SYCE1L: variants seen among roughly 807,000 people sequenced by gnomAD.
SYCE1L encodes the protein synaptonemal complex central element protein 1-like.
Under a neutral mutation model 39.6 loss-of-function variants are expected in SYCE1L, and 51 were observed. That is an observed-to-expected ratio of 1.29 (90% CI 1.03 to 1.63). The LOEUF (loss-of-function observed/expected upper bound fraction) is 1.63, where lower values mean the gene tolerates loss of function less well. Among genes scored for constraint, SYCE1L ranks in the 40% most tolerant of loss-of-function variants. The pLI is 0.00. For missense variants in SYCE1L, 426 were observed against 304.9 expected, an observed-to-expected ratio of 1.40 and a Z score of -2.96; for synonymous variants, 147 against 122.4, an observed-to-expected ratio of 1.20 and a Z score of -1.33.
chr16:77,200,291 T>TATATATATATATATATATATACATAC lies in SYCE1L; in HGVS notation c.61+780_61+781insTATATATATATATATATATACATACA. 3.6e-5 allele frequency: 4 copies of TATATATATATATATATATATACATAC among 111,430 alleles called. No homozygotes were observed. The East Asian group carries it at 6.5e-4, about 18-fold the overall frequency. The allele number at this position is 111,430 out of a possible 1,614,324, so 6.9% of individuals were successfully genotyped here. ...ATATATGTGTATATATATATATATA[T>TATATATATATATATATATATACATAC]ACACACACTAATCAGCCGGGCGCGG... On this transcript the variant is annotated intron_variant, in intron 1 of 10. Transcript: ENST00000378644.
rs72628221 is a variant in SYCE1L at position 77,209,379 on chromosome 16, A to G, written c.305-38A>G. 1.8e-3 allele frequency: 2,791 copies of G among 1,551,030 alleles called. 72 individuals carry two copies. In the East Asian group the frequency reaches 0.054, roughly 30 times the overall value. On this transcript the variant is annotated intron_variant, in intron 5 of 10. Transcript: ENST00000378644. ...ACCTCTGGCCAACCCTGACTCCCCA[A>G]GAGCTCTCAAAGGGTCCCCTTGGTT...
In SYCE1L at chr16:77,212,293, C is replaced by A; in HGVS notation, c.505C>A (p.Arg169Ser). 6.6e-7 allele frequency: 1 copy of A among 1,521,382 alleles called. No homozygotes were observed. The highest frequency in any genetic ancestry group is 8.8e-7 in the Non-Finnish European group (1 of 1,135,704). The allele number at this position is 1,521,382 out of a possible 1,614,324, so 94.2% of individuals were successfully genotyped here. A position where few individuals can be genotyped will look rare whatever the true frequency, so the allele number is the denominator to read the frequency against. ...CCGCCCACCGACAGGGAGGCTGGTG[C>A]GCGCCAAGCTGCGGGAGGTGGAGCG... is the stretch of plus-strand genomic sequence containing the variant. The part of the protein sequence containing the change: ...EQLLSERRLV[R>S]AKLREVERRL... The change falls in exon 9 of 11, where the codon CGC (arginine) becomes AGC (serine). Residue 169 changes from arginine to serine, a missense_variant. Transcript: ENST00000378644.
chr16:77,202,406 C>T (rs1326018533), intron 1 of SYCE1L: 1 of 152,158 alleles, frequency 6.6e-6, no homozygotes, highest in East Asian at 1.9e-4. Flanking sequence ...GGTGCTCTTA[C>T]TGTGCTGGCC....
chr16:77,202,615 A>G (rs2054754356), intron 1 of SYCE1L, among the ~76,000 whole-genome samples: 1 of 152,210 alleles, frequency 6.6e-6, no homozygotes, highest in African/African-American at 2.4e-5. Flanking sequence ...TTGGGAAATT[A>G]ATGTATAGCC....
rs1411519277 is a variant in SYCE1L, at chr16:77,212,753, G to A, written c.655-104G>A. On this transcript the variant is annotated intron_variant, in intron 10 of 10. Transcript: ENST00000378644. ...GAGAGTGGGGTCTGTGGGGAGCAGG[G>A]CGGCCCCGGGGACAGAGGAAGCCGC... 5 of 1,424,186 alleles carry A rather than the reference G, an allele frequency of 3.5e-6. No homozygotes were observed. The East Asian group carries it at 1.3e-4, about 37-fold the overall frequency. 88.2% of individuals were successfully genotyped at this position (1,424,186 alleles called of 1,614,324 possible). A position where few individuals can be genotyped will look rare whatever the true frequency, so the allele number is the denominator to read the frequency against.
intron 4 of SYCE1L, 91 bp from the exon 5 acceptor site, chr16:77,209,006 A>G: frequency 1.4e-6 from 2 of 1,394,254 alleles, no homozygotes; most frequent in Admixed American, 2.0e-5. Flanking sequence ...GGGCTGTACT[A>G]CACCTTCTGT....
chr16:77,208,250 G>C lies in SYCE1L; in HGVS notation c.162G>C (p.Arg54=), dbSNP rs763769252. The change falls in exon 3 of 11, where the codon CGG becomes CGC. Residue 54 remains arginine (R), a synonymous_variant. Transcript: ENST00000378644. ...LEPQIEDLIS[R]INDLQQAKKK... ...CACAGATAGAGGACCTGATTAGCCG[G>C]ATTAATGATCTTCAGCAAGGTAAAC... The C allele has an allele frequency of 1.1e-4, 168 of 1,551,558 alleles. No homozygotes were observed. The highest frequency in any genetic ancestry group is 3.3e-4 in the Middle Eastern group (2 of 6,014).
chr16:77,208,371 T>A, intron 3 of SYCE1L, 94 bp from the exon 4 acceptor site: 1 of 1,540,656 alleles, frequency 6.5e-7, no homozygotes, highest in Middle Eastern at 1.7e-4. Context: ...CCCTCTAGGG[T>A]TGTTTGAAGA....
intron 5 of SYCE1L, 42 bp downstream of exon 5, chr16:77,209,186 C>A (rs1197256913): frequency 6.5e-7 from 1 of 1,547,356 alleles, no homozygotes; most frequent in Non-Finnish European, 8.7e-7. Context: ...TACTCTTCCA[C>A]CCCACAAAAG....
chr16:77,208,493 A>G lies in SYCE1L; in HGVS notation c.210A>G (p.Arg70=). ...AGAAGAAATCCAGTGAGGAACTGAG[A>G]GAGACCCACAGTCTCTGGGAGGCCC... ...QAKKKSSEEL[R]ETHSLWEALH... is the part of the protein sequence containing the mutation. The change falls in exon 4 of 11, where the codon AGA becomes AGG. Residue 70 remains arginine, a synonymous_variant. Coordinates refer to ENST00000378644, the MANE Select transcript of SYCE1L (RefSeq NM_001129979.3). The G allele has an allele frequency of 1.3e-6, 2 of 1,551,700 alleles. No individual in the cohort carries two copies. The highest frequency in any genetic ancestry group is 1.7e-6 in the Non-Finnish European group (2 of 1,146,994).
chr16:77,205,056 A>AAAAAAAAGAAAAGAAAAG (rs1471925292), intron 1 of SYCE1L, among the ~76,000 whole-genome samples: 1 of 140,668 alleles, frequency 7.1e-6, no homozygotes, highest in African/African-American at 2.7e-5. Context: ...AAAAAAAAAA[A>AAAAAAAAGAAAAGAAAAG]AAAAGAAAAG....
At chr16:77,200,812 A>ATAGAAATATTTTTTTTT (rs2054733605) in intron 1 of SYCE1L, 2 of 151,778 alleles carry the variant, frequency 1.3e-5, no homozygotes, top group South Asian at 4.1e-4. Context: ...ATGCATTTGT[A>ATAGAAATATTTTTTTTT]TGCCACTAGC....
intron 2 of SYCE1L, among the ~76,000 whole-genome samples, 179 bp from the exon 3 acceptor site, chr16:77,208,031 G>T (rs191724402): frequency 6.6e-6 from 1 of 152,174 alleles, no homozygotes; most frequent in South Asian, 2.1e-4. Context: ...TTTGCTCAAT[G>T]TCCATCTTGC....
Position 77,212,616 on chromosome 16 carries a change from C to A in SYCE1L, c.624C>A (p.Ser208Arg). The change falls in exon 10 of 11, where the codon AGC becomes AGA. Residue 208 changes from serine to arginine, a missense_variant. By Grantham distance (110) the Ser-to-Arg change is moderately radical (BLOSUM62 -1). Transcript: ENST00000378644. ...AGATATTCGGGGAGCAGGTCCGGAGCGCCCCCGAGGTCGGGGCCGGCGAGG... is the reference window on the plus strand; with the variant it reads ...AGATATTCGGGGAGCAGGTCCGGAGAGCCCCCGAGGTCGGGGCCGGCGAGG... Reference protein sequence around the residue: ...ELEIFGEQVRSAPEVGAGEGE... With the variant: ...ELEIFGEQVRRAPEVGAGEGE... 2 of 1,535,130 alleles carry A rather than the reference C, an allele frequency of 1.3e-6. No homozygotes were observed. Among genetic ancestry groups the A allele is most frequent in the Non-Finnish European group, 8.7e-7 (1 of 1,146,156 alleles).
intron 1 of SYCE1L, among the ~76,000 whole-genome samples, chr16:77,205,044 C>CAAAA (rs1451754899): frequency 1.6e-5 from 2 of 123,272 alleles, no homozygotes; most frequent in Non-Finnish European, 3.3e-5. Flanking sequence ...GACTCCATCT[C>CAAAA]AAAAAAAAAA....
At chr16:77,206,724 C>A (rs1003219579) in intron 2 of SYCE1L, among the ~76,000 whole-genome samples, 1 of 152,060 alleles carries the variant, frequency 6.6e-6, no homozygotes, top group Non-Finnish European at 1.5e-5. Context: ...CTACTCCCTC[C>A]CCCCACACAC....
In SYCE1L at chr16:77,208,003, TG is replaced by T. The variant is rs1329635307; in HGVS notation, c.122-206del. 3.9e-5 allele frequency among the ~76,000 whole-genome samples: 6 copies of T among 152,230 alleles called. No homozygotes were observed. The East Asian group carries it at 1.2e-3, about 29-fold the overall frequency. On this transcript the variant is annotated intron_variant, in intron 2 of 10. Transcript: ENST00000378644. ...TCTCTTCACAGCAGTTACTGCCACC[TG>T]AATTGATTTATTTATCTTTGCTCAA... is the stretch of plus-strand genomic sequence containing the variant.
rs544959398 is a variant in SYCE1L, at chr16:77,207,969, CACTT to C, written c.122-240_122-237del. Among the ~76,000 whole-genome samples the C allele has an allele frequency of 2.8e-3, 422 of 152,302 alleles. 2 individuals are homozygous for C. The highest frequency in any genetic ancestry group is 9.8e-3 in the African/African-American group (406 of 41,572). The stretch of plus-strand genomic sequence containing the variant: ...CCTTTTGCTCTTCAACACTTTGCCT[CACTT>C]TATTTCTCTTCACAGCAGTTACTGC... On this transcript the variant is annotated intron_variant, in intron 2 of 10. Coordinates refer to ENST00000378644, the MANE Select transcript of SYCE1L (RefSeq NM_001129979.3).
At chr16:77,200,746 C>CAAAAAAAAAAAA (rs11344903) in intron 1 of SYCE1L, 102 of 84,666 alleles carry the variant, frequency 1.2e-3, no homozygotes, top group Middle Eastern at 6.5e-3. Flanking sequence ...ACAGAGTGAG[C>CAAAAAAAAAAAA]AAAAAAAAAA....
Sources: gnomAD v4.1 joint callset for allele counts (sites outside exome capture counted in the v4.1 genomes callset) on GRCh38, gnomAD v4.1.1 for gene constraint, MANE v1.5 for transcripts, NCBI Gene and HGNC (gene_info 2026-07-23, HGNC 2026-07-21) for gene names.